Variants in SUPT3H observed in about 807,000 individuals in gnomAD.
SUPT3H encodes the protein SPT3 homolog, SAGA and STAGA complex component.
A neutral mutation model predicts 44.3 loss-of-function variants in SUPT3H; 44 were observed. The observed-to-expected ratio is 0.99, with a 90% CI of 0.78 to 1.28. The LOEUF (loss-of-function observed/expected upper bound fraction) is 1.28, where lower values mean the gene tolerates loss of function less well. Ranked by LOEUF, SUPT3H falls within the 50% of genes most tolerant of loss-of-function variation. SUPT3H has a pLI of 0.00. For synonymous variants in SUPT3H, 124 were observed against 125.6 expected (o/e 0.99, Z 0.09); for missense variants, 380 against 387.1 (o/e 0.98, Z 0.15).
Position 44,953,404 on chromosome 6 carries a change from G to C in SUPT3H, c.707C>G (p.Ala236Gly). 3 of 1,613,954 alleles carry C rather than the reference G, an allele frequency of 1.9e-6. No individual in the cohort carries two copies. The highest frequency in any genetic ancestry group is 2.5e-6 in the Non-Finnish European group (3 of 1,179,878). Residue 236 changes from alanine (A) to glycine (G), a missense_variant, in exon 9 of 11, where the codon GCT (alanine) becomes GGT (glycine). Coordinates refer to ENST00000371459, the MANE Select transcript of SUPT3H (RefSeq NM_003599.4). ...TACCATGTCTTGCCTCACAAGAAGA[G>C]CCAGATCCACTAACTAGAAGACCAG... ...YETVAQLVDL[A>G]LLVRQDMVTK... is the part of the protein sequence containing the mutation.
chr6:45,082,316 A>C (rs1167502131), intron 3 of SUPT3H, among the ~76,000 whole-genome samples: 1 of 152,118 alleles, frequency 6.6e-6, no homozygotes, highest in Non-Finnish European at 1.5e-5. Flanking sequence ...CTGATGCCAA[A>C]AGCTGGCAAA....
Position 44,829,607 on chromosome 6 carries a change from C to T in SUPT3H, c.*209G>A, listed in dbSNP as rs1768255325. The T allele has an allele frequency of 7.2e-6, 4 of 552,120 alleles. No homozygotes were observed. The highest frequency in any genetic ancestry group is 1.3e-5 in the Non-Finnish European group (4 of 307,506). 34.2% of individuals were successfully genotyped at this position (552,120 alleles called of 1,614,324 possible). On this transcript the variant is annotated 3_prime_UTR_variant, in exon 11 of 11. Coordinates refer to ENST00000371459, the MANE Select transcript of SUPT3H (RefSeq NM_003599.4). ...CTACAGACTATCCTAAACATCCTGCCATTAATTAGCTGAACAGCCCATCTA... is the reference window on the plus strand; with the variant it reads ...CTACAGACTATCCTAAACATCCTGCTATTAATTAGCTGAACAGCCCATCTA...
chr6:44,908,923 A>C (rs887128657), intron 10 of SUPT3H, among the ~76,000 whole-genome samples: 1 of 152,236 alleles, frequency 6.6e-6, no homozygotes, highest in African/African-American at 2.4e-5. Flanking sequence ...TCTAAATTAT[A>C]GCATAGGGAA....
intron 2 of SUPT3H, among the ~76,000 whole-genome samples, chr6:45,158,298 A>ATTTTT (rs56882164): frequency 4.0e-5 from 4 of 99,694 alleles, no homozygotes; most frequent in Non-Finnish European, 5.2e-5. Context: ...ATATATATAT[A>ATTTTT]TTTTTTTTTT....
chr6:45,084,287 T>C (rs888404128), intron 3 of SUPT3H, among the ~76,000 whole-genome samples: 1 of 151,586 alleles, frequency 6.6e-6, no homozygotes, highest in African/African-American at 2.4e-5. Flanking sequence ...ACTTAAACAA[T>C]CCAACAAGCA....
At chr6:45,366,821 G>A (rs527554119) in intron 1 of SUPT3H, among the ~76,000 whole-genome samples, 1 of 152,254 alleles carries the variant, frequency 6.6e-6, no homozygotes, top group South Asian at 2.1e-4. Context: ...TCTACTTTCT[G>A]TATGTTCTCA....
intron 10 of SUPT3H, among the ~76,000 whole-genome samples, chr6:44,870,886 C>T (rs1471215217): frequency 4.0e-5 from 6 of 151,784 alleles, no homozygotes; most frequent in African/African-American, 9.7e-5. Context: ...AAAGGGGTGA[C>T]GGATGCACCT....
intron 10 of SUPT3H, among the ~76,000 whole-genome samples, chr6:44,905,001 CCTT>C (rs1364068638): frequency 6.6e-6 from 1 of 152,120 alleles, no homozygotes; most frequent in Non-Finnish European, 1.5e-5. Context: ...CTTCCTTACA[CCTT>C]ATACAAAAAT....
intron 3 of SUPT3H, among the ~76,000 whole-genome samples, chr6:45,090,009 T>G (rs1423820460): frequency 6.6e-6 from 1 of 152,082 alleles, no homozygotes; most frequent in Non-Finnish European, 1.5e-5. Context: ...TAAGAAACAT[T>G]GCTCATACAA....
chr6:45,328,572 T>G (rs1330349051), intron 2 of SUPT3H: 3 of 1,580,624 alleles, frequency 1.9e-6, no homozygotes, highest in Non-Finnish European at 2.6e-6. Context: ...CTACATAATT[T>G]CTTGACAGAA....
At chr6:44,932,823 G>T in intron 9 of SUPT3H, 60 bp from the exon 10 acceptor site, 1 of 1,110,998 alleles carries the variant, frequency 9.0e-7, no homozygotes, top group Non-Finnish European at 1.3e-6. Flanking sequence ...GAACTACAGT[G>T]TATAAATATG....
intron 10 of SUPT3H, among the ~76,000 whole-genome samples, chr6:44,843,960 T>C (rs1413780302): frequency 8.8e-6 from 1 of 113,680 alleles, no homozygotes. Context: ...CACACACACA[T>C]GCACAGAAAA....
At chr6:45,329,527 C>T (rs1019614802) in intron 2 of SUPT3H, among the ~76,000 whole-genome samples, 1 of 151,912 alleles carries the variant, frequency 6.6e-6, no homozygotes, top group Non-Finnish European at 1.5e-5. Flanking sequence ...CATCTACACA[C>T]TGTTATCCAT....
chr6:45,330,013 C>T (rs1346307439), intron 2 of SUPT3H, among the ~76,000 whole-genome samples: 5 of 151,700 alleles, frequency 3.3e-5, no homozygotes, highest in African/African-American at 4.8e-5. Flanking sequence ...TAACTGGATA[C>T]TACTAGAGGA....
intron 3 of SUPT3H, among the ~76,000 whole-genome samples, chr6:45,082,732 T>C (rs1795978797): frequency 6.6e-6 from 1 of 152,114 alleles, no homozygotes; most frequent in Non-Finnish European, 1.5e-5. Flanking sequence ...GATGCTCACT[T>C]TGACTACTTC....
chr6:44,813,365 T>C (rs1320292432), intron 11 of SUPT3H, among the ~76,000 whole-genome samples: 1 of 152,170 alleles, frequency 6.6e-6, no homozygotes, highest in East Asian at 1.9e-4. Flanking sequence ...ATTTTTATTT[T>C]TGTAGCGATG....
Position 45,241,470 on chromosome 6 carries a change from G to A in SUPT3H, c.101+123731C>T, listed in dbSNP as rs142506466. On this transcript the variant is annotated intron_variant, in intron 2 of 10. Transcript: ENST00000371459. The stretch of plus-strand genomic sequence containing the variant: ...TAGCCAGAGCCCATCCCTTTGTTTC[G>A]GCCCATCCCTTTTTTCCCGTAAGGA... Among the ~76,000 whole-genome samples the A allele has an allele frequency of 2.3e-3, 350 of 152,176 alleles. 1 individual carries two copies. Among genetic ancestry groups the A allele is most frequent in the African/African-American group, 8.1e-3 (335 of 41,518 alleles).
chr6:45,366,291 AT>A, intron 1 of SUPT3H, among the ~76,000 whole-genome samples: 1 of 152,296 alleles, frequency 6.6e-6, no homozygotes, highest in South Asian at 2.1e-4. Flanking sequence ...GACTGCCTAG[AT>A]TTGAATCCCA....
intron 2 of SUPT3H, among the ~76,000 whole-genome samples, chr6:45,131,998 T>C (rs540661158): frequency 2.0e-4 from 30 of 152,320 alleles, no homozygotes; most frequent in African/African-American, 6.5e-4. Flanking sequence ...ATTTATAAAT[T>C]GAGCACAGTA....
Sources: gnomAD v4.1 joint callset for allele counts (sites outside exome capture counted in the v4.1 genomes callset) on GRCh38, gnomAD v4.1.1 for gene constraint, MANE v1.5 for transcripts, NCBI Gene and HGNC (gene_info 2026-07-23, HGNC 2026-07-21) for gene names.